The following FBXL13 variants were observed in gnomAD, a reference collection of about 807,000 sequenced individuals.
FBXL13 encodes F-box and leucine-rich repeat protein 13.
FBXL13 carries 67 observed loss-of-function variants against 83.6 expected under a neutral mutation model. The ratio of observed to expected loss-of-function variants is 0.80; its 90% CI spans 0.66 to 0.98. The LOEUF is 0.98. Ranked by LOEUF, FBXL13 falls within the 50% of genes least tolerant of loss-of-function variation. FBXL13 has a pLI of 0.00. For missense variants in FBXL13, 822 were observed against 866.5 expected (o/e 0.95, Z 0.64); for synonymous variants, 272 against 299.5 (o/e 0.91, Z 0.95).
At chr7:102,823,073 C>T (rs1015685493) in intron 18 of FBXL13, among the ~76,000 whole-genome samples, 16 of 151,940 alleles carry the variant, frequency 1.1e-4, no homozygotes, top group African/African-American at 3.1e-4. Context: ...TGTGCCCTGC[C>T]CACCCCCCAC....
chr7:102,854,095 A>G (rs1463989439), intron 17 of FBXL13, among the ~76,000 whole-genome samples: 1 of 152,096 alleles, frequency 6.6e-6, no homozygotes, highest in East Asian at 1.9e-4. Context: ...GGCGCTATTC[A>G]CAATAGCAAA....
chr7:103,072,761 T>C (rs1799093419), intron 1 of FBXL13, among the ~76,000 whole-genome samples: 1 of 152,238 alleles, frequency 6.6e-6, no homozygotes, highest in Non-Finnish European at 1.5e-5. Context: ...ACTCACCTCT[T>C]AGAGGAGTCT....
intron 8 of FBXL13, among the ~76,000 whole-genome samples, chr7:102,962,188 C>T (rs1461927929): frequency 6.6e-6 from 1 of 151,316 alleles, no homozygotes; most frequent in African/African-American, 2.4e-5. Flanking sequence ...CATGAACAGA[C>T]ACTTCTCAAA....
At chr7:103,038,170 G>A (rs1795260567) in intron 2 of FBXL13, among the ~76,000 whole-genome samples, 1 of 152,206 alleles carries the variant, frequency 6.6e-6, no homozygotes, top group Admixed American at 6.5e-5. Context: ...CTGGCTCGGT[G>A]AGTCCCACAC....
chr7:102,834,895 T>C (rs968064676), intron 17 of FBXL13, among the ~76,000 whole-genome samples: 1 of 151,768 alleles, frequency 6.6e-6, no homozygotes, highest in Non-Finnish European at 1.5e-5. Context: ...TGTGTGTGTG[T>C]GTGTGTGTGT....
intron 11 of FBXL13, among the ~76,000 whole-genome samples, chr7:102,893,672 GC>G (rs1177405987): frequency 6.6e-6 from 1 of 151,598 alleles, no homozygotes; most frequent in Non-Finnish European, 1.5e-5. Flanking sequence ...GGAGGCTGAG[GC>G]AGGAGAATGG....
chr7:102,941,422 C>T (rs886193097), intron 8 of FBXL13, among the ~76,000 whole-genome samples: 3 of 152,208 alleles, frequency 2.0e-5, no homozygotes, highest in Non-Finnish European at 4.4e-5. Flanking sequence ...TTCCCAAGCC[C>T]CTACCTAGCA....
chr7:102,877,593 G>C (rs758264898), exon 16 of FBXL13: 2 of 1,604,054 alleles, frequency 1.2e-6, no homozygotes, highest in Non-Finnish European at 1.7e-6. Flanking sequence ...AATTAGGGCA[G>C]CTAAAAGAAA....
intron 8 of FBXL13, among the ~76,000 whole-genome samples, chr7:102,958,645 A>T (rs186223849): frequency 1.2e-4 from 18 of 152,166 alleles, no homozygotes; most frequent in African/African-American, 4.3e-4. Context: ...TTTTATTACT[A>T]CAAACATAAT....
At chr7:102,881,463 A>G (rs1027953137) in intron 14 of FBXL13, among the ~76,000 whole-genome samples, 1 of 151,108 alleles carries the variant, frequency 6.6e-6, no homozygotes, top group Non-Finnish European at 1.5e-5. Context: ...AAAAAGAATA[A>G]TTAACCCGCA....
At chr7:103,042,463 G>GA (rs1204294104) in intron 2 of FBXL13, among the ~76,000 whole-genome samples, 8 of 152,014 alleles carry the variant, frequency 5.3e-5, no homozygotes, top group Admixed American at 5.2e-4. Flanking sequence ...CACAGAATTG[G>GA]AAAAAACTAC....
upstream of FBXL13, chr7:103,074,745 G>C (rs1045227054): frequency 1.6e-6 from 2 of 1,289,728 alleles, no homozygotes; most frequent in African/African-American, 3.0e-5. Flanking sequence ...CTTCAGCCTC[G>C]GGTTGGCATT....
At chr7:102,924,541 G>C (rs1817684088) in intron 10 of FBXL13, among the ~76,000 whole-genome samples, 1 of 151,486 alleles carries the variant, frequency 6.6e-6, no homozygotes, top group Non-Finnish European at 1.5e-5. Flanking sequence ...GGGATAAATA[G>C]AAAATATGGT....
chr7:103,066,390 T>C (rs1328637018), intron 1 of FBXL13, among the ~76,000 whole-genome samples: 1 of 151,950 alleles, frequency 6.6e-6, no homozygotes. Context: ...ATTATGAATG[T>C]AATTTCTTTT....
intron 8 of FBXL13, among the ~76,000 whole-genome samples, chr7:102,954,060 T>C (rs928162334): frequency 3.3e-5 from 5 of 152,064 alleles, no homozygotes; most frequent in Non-Finnish European, 7.4e-5. Flanking sequence ...GGTACCTGGT[T>C]CATCTCACTG....
intron 8 of FBXL13, chr7:102,944,144 C>T (rs1822004907): frequency 2.4e-6 from 3 of 1,229,386 alleles, no homozygotes; most frequent in South Asian, 1.9e-5. Context: ...TGTATTTGTC[C>T]TTTCCATATG....
At chr7:103,021,606 G>C (rs551173614) in intron 6 of FBXL13, among the ~76,000 whole-genome samples, 1 of 152,204 alleles carries the variant, frequency 6.6e-6, no homozygotes, top group East Asian at 1.9e-4. Flanking sequence ...CTAATATCCA[G>C]AATCTACAAA....
At chr7:102,875,630 A>G (rs28393249) in intron 16 of FBXL13, among the ~76,000 whole-genome samples, 3,663 of 152,238 alleles carry the variant, frequency 0.024, 155 homozygotes, top group African/African-American at 0.083. Flanking sequence ...CAACGGGAAA[A>G]GCAGAAACAA....
At chr7:103,027,626 A>T in intron 4 of FBXL13, 68 bp from the exon 6 acceptor site, 1 of 971,342 alleles carries the variant, frequency 1.0e-6, no homozygotes, top group Non-Finnish European at 1.5e-6. Context: ...ACACAAAGTG[A>T]TTTAATAGTC....
Sources: allele counts gnomAD v4.1 joint callset (sites outside exome capture counted in the v4.1 genomes callset), GRCh38; gene constraint gnomAD v4.1.1; transcripts MANE v1.5; gene names NCBI Gene and HGNC (gene_info 2026-07-23, HGNC 2026-07-21).